ATG2B: variants seen among roughly 807,000 people sequenced by gnomAD.
The protein encoded by ATG2B is autophagy-related protein 2 homolog B.
A neutral mutation model predicts 241.3 loss-of-function variants in ATG2B; 121 were observed. The ratio of observed to expected loss-of-function variants is 0.50; its 90% CI spans 0.43 to 0.58. ATG2B has a LOEUF of 0.58. Ranked by LOEUF, ATG2B falls within the 20% of genes least tolerant of loss-of-function variation. The pLI, the probability that ATG2B is intolerant of heterozygous loss-of-function variation, is 0.00. For missense variants in ATG2B, 2,306 were observed against 2,491.6 expected, an observed-to-expected ratio of 0.93 and a Z score of 1.59; for synonymous variants, 858 against 876.6, an observed-to-expected ratio of 0.98 and a Z score of 0.37.
chr14:96,344,601 G>C lies in ATG2B; in HGVS notation c.581+53C>G, dbSNP rs558444041. The C allele has an allele frequency of 3.1e-6, 3 of 960,772 alleles. No individual in the cohort carries two copies. In the African/African-American group the frequency reaches 5.0e-5, roughly 16 times the overall value. 59.5% of individuals were successfully genotyped at this position (960,772 alleles called of 1,614,324 possible). A position where few individuals can be genotyped will look rare whatever the true frequency, so the allele number is the denominator to read the frequency against. On this transcript the variant is annotated intron_variant, in intron 4 of 41. Transcript: ENST00000359933. ...TAATCTCCAAAACCTCCCTGAAAAT[G>C]TAATATCAGAGTTACAATAGGGTCA...
chr14:96,317,963 G>T, intron 18 of ATG2B, 108 bp from the exon 19 acceptor site: 1 of 764,174 alleles, frequency 1.3e-6, no homozygotes, highest in Non-Finnish European at 2.0e-6. Flanking sequence ...TTTTTTAAAC[G>T]GCAAAATGGA....
intron 33 of ATG2B, 23 bp downstream of exon 33, chr14:96,303,038 A>T: frequency 6.9e-7 from 1 of 1,450,654 alleles, no homozygotes; most frequent in Non-Finnish European, 9.2e-7. Context: ...CTAACATAAC[A>T]CAACGATGAG....
chr14:96,316,748 T>C, intron 20 of ATG2B, 65 bp from the exon 21 acceptor site: 1 of 1,399,850 alleles, frequency 7.1e-7, no homozygotes, highest in East Asian at 2.3e-5. Flanking sequence ...GCATGTTCCT[T>C]GAGATGCTCT....
In ATG2B at chr14:96,331,652, T is replaced by C. The variant is rs761644450; in HGVS notation, c.1469-15A>G. ...AGATGGGAGAGCTAAAATACAAGTA[T>C]TAAAATTATATACATAAAATTTGAC... On this transcript the variant is annotated splice_polypyrimidine_tract_variant and intron_variant, in intron 10 of 41. Transcript: ENST00000359933. 2 of 1,556,892 alleles carry C rather than the reference T, an allele frequency of 1.3e-6. No homozygotes were observed. Among genetic ancestry groups the C allele is most frequent in the East Asian group, 2.3e-5 (1 of 44,238 alleles).
At chr14:96,319,335 T>C (rs958447659) in intron 18 of ATG2B, among the ~76,000 whole-genome samples, 1 of 152,224 alleles carries the variant, frequency 6.6e-6, no homozygotes. Flanking sequence ...ATGCTTAAGA[T>C]ACATAAGGAC....
chr14:96,311,328 A>G, intron 27 of ATG2B, 41 bp from the exon 28 acceptor site: 1 of 1,567,438 alleles, frequency 6.4e-7, no homozygotes, highest in Admixed American at 1.9e-5. Flanking sequence ...TGTTTTCCAA[A>G]TGAGACAAAA....
At position 96,303,053 on chromosome 14, in the gene ATG2B, A is replaced by C. The variant is rs377400591; in HGVS notation, c.5037+8T>G. On this transcript the variant is annotated splice_region_variant and intron_variant, in intron 33 of 41. Transcript: ENST00000359933. ...CTAACATAACACAACGATGAGGTTA[A>C]CTCTTACCATGTTGGAGTGAGCTTT... The C allele has an allele frequency of 3.2e-6, 5 of 1,554,680 alleles. No homozygotes were observed. In the African/African-American group the frequency reaches 6.9e-5, roughly 21 times the overall value.
At chr14:96,335,634 A>C (rs903565252) in intron 6 of ATG2B, among the ~76,000 whole-genome samples, 2 of 152,026 alleles carry the variant, frequency 1.3e-5, no homozygotes, top group African/African-American at 4.8e-5. Flanking sequence ...AAAAGCCCTC[A>C]CTCCTTCCAC....
At chr14:96,320,537 AG>A (rs529464544) in intron 18 of ATG2B, among the ~76,000 whole-genome samples, 1 of 152,152 alleles carries the variant, frequency 6.6e-6, no homozygotes, top group Admixed American at 6.5e-5. Context: ...AAAAAAGGAA[AG>A]GGGGAAAAAA....
intron 4 of ATG2B, among the ~76,000 whole-genome samples, chr14:96,343,768 G>A (rs1015798356): frequency 6.6e-6 from 1 of 152,124 alleles, no homozygotes; most frequent in African/African-American, 2.4e-5. Flanking sequence ...CTAATTTTCA[G>A]TTTAAACAAA....
chr14:96,334,003 T>A, intron 7 of ATG2B, 130 bp from the exon 8 acceptor site: 1 of 752,216 alleles, frequency 1.3e-6, no homozygotes, highest in East Asian at 2.7e-5. Flanking sequence ...TGCTATTTAG[T>A]GAGTCAGAGC....
At chr14:96,340,957 T>C (rs1424619009) in intron 6 of ATG2B, among the ~76,000 whole-genome samples, 1 of 148,516 alleles carries the variant, frequency 6.7e-6, no homozygotes, top group Non-Finnish European at 1.5e-5. Flanking sequence ...TGAAAGATGA[T>C]ATATTATATA....
chr14:96,353,401 G>A (rs942174345), intron 1 of ATG2B, among the ~76,000 whole-genome samples: 4 of 152,154 alleles, frequency 2.6e-5, no homozygotes, highest in Admixed American at 6.5e-5. Flanking sequence ...AAGGTGGGCA[G>A]ATTGCCTGAG....
intron 37 of ATG2B, 56 bp from the exon 38 acceptor site, chr14:96,291,738 C>T: frequency 8.2e-7 from 1 of 1,218,224 alleles, no homozygotes; most frequent in Non-Finnish European, 1.2e-6. Context: ...GACTCAACAT[C>T]TAAAATAATT....
chr14:96,358,759 AT>A (rs143140997), intron 1 of ATG2B, among the ~76,000 whole-genome samples: 31,784 of 146,906 alleles, frequency 0.22, 3,929 homozygotes, highest in Non-Finnish European at 0.27. Context: ...CCTATCAAGT[AT>A]TTTTTTTTTT....
At chr14:96,293,397 A>T (rs759093795) in intron 36 of ATG2B, among the ~76,000 whole-genome samples, 2 of 152,136 alleles carry the variant, frequency 1.3e-5, no homozygotes, top group African/African-American at 4.8e-5. Context: ...ATTTATTTTA[A>T]TTATTTGTAA....
At chr14:96,327,476 T>C (rs1887615796) in intron 14 of ATG2B, among the ~76,000 whole-genome samples, 1 of 152,182 alleles carries the variant, frequency 6.6e-6, no homozygotes, top group Non-Finnish European at 1.5e-5. Context: ...AAAAGTGATA[T>C]AATGTGATGT....
At position 96,317,140 on chromosome 14, in the gene ATG2B, C is replaced by T; in HGVS notation, c.3210+5G>A. ...GAAAAAACACTTCGGATTTGTAAAC[C>T]TCACCTTCACATCTGTGAACACTGC... On this transcript the variant is annotated splice_donor_5th_base_variant and intron_variant, in intron 20 of 41. Transcript: ENST00000359933. 2 of 1,596,160 alleles carry T rather than the reference C, an allele frequency of 1.3e-6. No homozygotes were observed. Among genetic ancestry groups the T allele is most frequent in the Non-Finnish European group, 1.7e-6 (2 of 1,170,838 alleles).
chr14:96,289,888 G>A lies in ATG2B; in HGVS notation c.5857-83C>T. The A allele has an allele frequency of 7.1e-7, 1 of 1,415,754 alleles. No homozygotes were observed. Among genetic ancestry groups the A allele is most frequent in the Middle Eastern group, 1.8e-4 (1 of 5,440 alleles). 87.7% of individuals were successfully genotyped at this position (1,415,754 alleles called of 1,614,324 possible). A position where few individuals can be genotyped will look rare whatever the true frequency, so the allele number is the denominator to read the frequency against. On this transcript the variant is annotated intron_variant, in intron 40 of 41. Transcript: ENST00000359933. The surrounding 1 kb of genome is among the most constrained non-coding windows in gnomAD (Gnocchi z 4.3). ...ACCAGCAGAGCACTTCCTACAGGGA[G>A]TGAGGAAGAGCAGAGGAACTCACAA...
Sources: allele counts gnomAD v4.1 joint callset (sites outside exome capture counted in the v4.1 genomes callset), GRCh38; gene constraint gnomAD v4.1.1; non-coding constraint Gnocchi (gnomAD v3.1); transcripts MANE v1.5; gene names NCBI Gene and HGNC (gene_info 2026-07-23, HGNC 2026-07-21).